Variants in TMPRSS15 observed in about 807,000 individuals in gnomAD.
The protein encoded by TMPRSS15 is enteropeptidase.
In TMPRSS15, 128 loss-of-function variants were observed where a neutral mutation model predicts 125.3. The ratio of observed to expected loss-of-function variants is 1.02; its 90% CI spans 0.89 to 1.18. TMPRSS15 has a LOEUF of 1.18. Among genes scored for constraint, TMPRSS15 ranks in the 50% most tolerant of loss-of-function variants. The pLI, the probability that TMPRSS15 is intolerant of heterozygous loss-of-function variation, is 0.00. For synonymous variants in TMPRSS15, 446 were observed against 423.2 expected, an observed-to-expected ratio of 1.05 and a Z score of -0.66; for missense variants, 1,283 against 1,212.7, an observed-to-expected ratio of 1.06 and a Z score of -0.86.
chr21:18,313,406 C>T (rs1429178767), intron 17 of TMPRSS15, among the ~76,000 whole-genome samples: 1 of 150,374 alleles, frequency 6.7e-6, no homozygotes, highest in African/African-American at 2.5e-5. Context: ...TATATACATT[C>T]TCTCTCCATA....
chr21:18,345,856 A>G (rs970724920), intron 10 of TMPRSS15, among the ~76,000 whole-genome samples: 1 of 151,302 alleles, frequency 6.6e-6, no homozygotes, highest in African/African-American at 2.4e-5. Flanking sequence ...TCATGCTCCT[A>G]TTTATGTTTG....
intron 1 of TMPRSS15, among the ~76,000 whole-genome samples, chr21:18,428,515 C>T (rs574302336): frequency 4.3e-4 from 65 of 152,220 alleles, no homozygotes; most frequent in African/African-American, 1.5e-3. Context: ...ATTTTGTGGG[C>T]CGGTCCCAGG....
At chr21:18,433,747 T>C (rs2076221935) in intron 1 of TMPRSS15, among the ~76,000 whole-genome samples, 1 of 150,454 alleles carries the variant, frequency 6.6e-6, no homozygotes, top group African/African-American at 2.5e-5. Context: ...AAGGGCCGAG[T>C]ATGTTCAGAT....
intron 9 of TMPRSS15, 74 bp downstream of exon 9, chr21:18,353,649 C>A: frequency 7.1e-7 from 1 of 1,406,294 alleles, no homozygotes; most frequent in South Asian, 1.3e-5. Context: ...ATTTTAGATT[C>A]TGCTACCTTT....
At chr21:18,414,112 A>G (rs2076174447) in intron 1 of TMPRSS15, among the ~76,000 whole-genome samples, 1 of 152,130 alleles carries the variant, frequency 6.6e-6, no homozygotes, top group South Asian at 2.1e-4. Context: ...GAATGTTAAG[A>G]TATTATTTCT....
intron 1 of TMPRSS15, among the ~76,000 whole-genome samples, chr21:18,424,708 A>T (rs1365168047): frequency 6.6e-6 from 1 of 150,456 alleles, no homozygotes; most frequent in East Asian, 1.9e-4. Context: ...TATTCTTTGT[A>T]AAAAAGTTAT....
At chr21:18,433,681 A>G (rs935807020) in intron 1 of TMPRSS15, among the ~76,000 whole-genome samples, 3 of 151,230 alleles carry the variant, frequency 2.0e-5, no homozygotes, top group Non-Finnish European at 3.0e-5. Context: ...AAAAAAAAAA[A>G]AAAAAGAAAA....
At chr21:18,407,688 C>T (rs1187582885), upstream of TMPRSS15, among the ~76,000 whole-genome samples, 1 of 151,958 alleles carries the variant, frequency 6.6e-6, no homozygotes, top group Non-Finnish European at 1.5e-5. Context: ...CTTGAAGGAG[C>T]TTTTCTATTG....
chr21:18,341,221 C>T (rs1490236296), intron 13 of TMPRSS15, among the ~76,000 whole-genome samples, 192 bp downstream of exon 13: 1 of 152,008 alleles, frequency 6.6e-6, no homozygotes, highest in African/African-American at 2.4e-5. Context: ...ACCACTGTGC[C>T]CAGCTAATTT....
At chr21:18,284,706 TA>T (rs1013932088) in intron 21 of TMPRSS15, among the ~76,000 whole-genome samples, 15 of 152,108 alleles carry the variant, frequency 9.9e-5, no homozygotes, top group African/African-American at 3.6e-4. Context: ...CGGTGGAGGA[TA>T]AAGATCGCAA....
At chr21:18,335,036 C>T (rs181595299) in intron 13 of TMPRSS15, among the ~76,000 whole-genome samples, 1 of 152,300 alleles carries the variant, frequency 6.6e-6, no homozygotes, top group Non-Finnish European at 1.5e-5. Flanking sequence ...AACAGGAAAT[C>T]ATGACTAATT....
At chr21:18,345,277 A>G (rs1045602093) in intron 10 of TMPRSS15, among the ~76,000 whole-genome samples, 2 of 152,170 alleles carry the variant, frequency 1.3e-5, no homozygotes, top group Non-Finnish European at 2.9e-5. Context: ...TCATGAGTAC[A>G]TATCTTAGCT....
At chr21:18,403,822 G>A (rs2076120751), upstream of TMPRSS15, among the ~76,000 whole-genome samples, 1 of 152,078 alleles carries the variant, frequency 6.6e-6, no homozygotes, top group Non-Finnish European at 1.5e-5. Context: ...TCATTAAAAG[G>A]GTAGTTAATC....
At chr21:18,392,968 G>A (rs908520097) in intron 3 of TMPRSS15, among the ~76,000 whole-genome samples, 14 of 152,188 alleles carry the variant, frequency 9.2e-5, no homozygotes, top group East Asian at 7.7e-4. Flanking sequence ...TCAACATGTC[G>A]GGATTACAAC....
rs774312752 is a variant in TMPRSS15, at chr21:18,315,090, G to C, written c.2032+56C>G. On this transcript the variant is annotated intron_variant, in intron 17 of 24. Transcript: ENST00000284885. ...GTTATAATCTTTCTTTGACACTGTA[G>C]AGTCCAAATGCAGAGGCTAAAGTCA... 7.7e-5 allele frequency: 102 copies of C among 1,329,360 alleles called. 1 individual carries two copies. The Admixed American group carries it at 8.4e-4, about 11-fold the overall frequency. The allele number at this position is 1,329,360 out of a possible 1,614,324, so 82.3% of individuals were successfully genotyped here.
At chr21:18,428,886 C>T (rs556251118) in intron 1 of TMPRSS15, among the ~76,000 whole-genome samples, 3 of 152,268 alleles carry the variant, frequency 2.0e-5, no homozygotes, top group Admixed American at 6.5e-5. Flanking sequence ...TCACTTTCCT[C>T]CAGACCCCAG....
intron 14 of TMPRSS15, among the ~76,000 whole-genome samples, chr21:18,330,019 A>T (rs1035649349): frequency 6.6e-6 from 1 of 152,142 alleles, no homozygotes; most frequent in East Asian, 1.9e-4. Context: ...CAAATCCAAC[A>T]TGTTCTAAAG....
At chr21:18,298,755 T>C (rs1044612284) in intron 18 of TMPRSS15, among the ~76,000 whole-genome samples, 1 of 152,202 alleles carries the variant, frequency 6.6e-6, no homozygotes, top group Non-Finnish European at 1.5e-5. Flanking sequence ...TTCTACCTTT[T>C]GGAGTACTGT....
chr21:18,281,340 T>C (rs992372436), intron 21 of TMPRSS15, 119 bp from the exon 22 acceptor site: 3 of 888,430 alleles, frequency 3.4e-6, no homozygotes, highest in Non-Finnish European at 5.4e-6. Context: ...TTAATTTCTC[T>C]GAAGAATCAT....
Sources: gnomAD v4.1 joint callset for allele counts (sites outside exome capture counted in the v4.1 genomes callset) on GRCh38, gnomAD v4.1.1 for gene constraint, MANE v1.5 for transcripts, NCBI Gene and HGNC (gene_info 2026-07-23, HGNC 2026-07-21) for gene names.